PRRC2C: variants seen among roughly 807,000 people sequenced by gnomAD.
The protein encoded by PRRC2C is proline rich coiled-coil 2C.
In PRRC2C, 72 loss-of-function variants were observed where a neutral mutation model predicts 317.2. That is an observed-to-expected ratio of 0.23 (90% CI 0.19 to 0.28). The LOEUF (loss-of-function observed/expected upper bound fraction) is 0.28, where lower values mean the gene tolerates loss of function less well. Ranked by LOEUF, PRRC2C falls within the 10% of genes least tolerant of loss-of-function variation. The pLI is 1.00. For missense variants in PRRC2C, 3,074 were observed against 3,459.7 expected (o/e 0.89, Z 2.80); for synonymous variants, 1,296 against 1,205.9 (o/e 1.07, Z -1.55).
Position 171,579,962 on chromosome 1 carries a change from T to C in PRRC2C, c.7407T>C (p.Tyr2469=), listed in dbSNP as rs1193760201. ...TGTTCAGCTCCTCACTTCAACCATA[T>C]AGGTAAATGCTTTAAAAGTTATGTT... ...QELFSSSLQP[Y]RSQPAFMQSS... is the part of the protein sequence containing the mutation. Residue 2469 remains tyrosine (Y), a splice_region_variant and synonymous_variant, in exon 28 of 35, where the codon TAT becomes TAC. Coordinates refer to ENST00000647382, the MANE Select transcript of PRRC2C (RefSeq NM_001387844.1). 1 of 1,535,138 alleles carries C rather than the reference T, an allele frequency of 6.5e-7. No individual in the cohort carries two copies. Among genetic ancestry groups the C allele is most frequent in the Non-Finnish European group, 8.7e-7 (1 of 1,146,700 alleles).
At chr1:171,486,107 CTTTTTTT>C (rs34040896) in intron 1 of PRRC2C, among the ~76,000 whole-genome samples, 2 of 95,582 alleles carry the variant, frequency 2.1e-5, no homozygotes, top group Admixed American at 1.1e-4. Flanking sequence ...GACGTGAAGT[CTTTTTTT>C]TTTTTTTTTT....
intron 1 of PRRC2C, among the ~76,000 whole-genome samples, chr1:171,490,131 C>A (rs1666851560): frequency 6.6e-6 from 1 of 152,112 alleles, no homozygotes; most frequent in Non-Finnish European, 1.5e-5. Flanking sequence ...TGTTGTCAGA[C>A]TGGTCTCGAA....
intron 32 of PRRC2C, among the ~76,000 whole-genome samples, chr1:171,587,964 C>T (rs1190491604): frequency 6.6e-6 from 1 of 151,912 alleles, no homozygotes; most frequent in East Asian, 1.9e-4. Context: ...TGTTACAGAG[C>T]AAACCTTTTT....
At position 171,541,294 on chromosome 1, in the gene PRRC2C, T is replaced by C; in HGVS notation, c.3828T>C (p.Ser1276=). 1 of 1,613,788 alleles carries C rather than the reference T, an allele frequency of 6.2e-7. No individual in the cohort carries two copies. The highest frequency in any genetic ancestry group is 1.1e-5 in the South Asian group (1 of 91,062). The change falls in exon 16 of 35, where the codon AGT becomes AGC. Residue 1276 remains serine (S), a synonymous_variant. Coordinates refer to ENST00000647382, the MANE Select transcript of PRRC2C (RefSeq NM_001387844.1). This position sits in a 1 kb window ranked among gnomAD's most constrained non-coding sequence, Gnocchi z 4.1. The part of the protein sequence containing the change: ...ETDTDSEIHE[S]ASDKDSLSKG... ...ACACAGACAGTGAAATTCATGAAAG[T>C]GCAAGTGACAAGGACAGTTTAAGTA...
In PRRC2C at chr1:171,545,086, T is replaced by C. The variant is rs192632616; in HGVS notation, c.4764-393T>C. On this transcript the variant is annotated intron_variant, in intron 16 of 34. Coordinates refer to ENST00000647382, the MANE Select transcript of PRRC2C (RefSeq NM_001387844.1). ...GTAAATATAGAATGCTTTTTAAAAA[T>C]TTTTGTTTTCATATGCTGCCCACTT... 1.5e-3 allele frequency among the ~76,000 whole-genome samples: 234 copies of C among 152,330 alleles called. 2 individuals carry two copies. The highest frequency in any genetic ancestry group is 8.5e-3 in the South Asian group (41 of 4,826).
chr1:171,519,718 A>C (rs959270919), intron 6 of PRRC2C, among the ~76,000 whole-genome samples: 1 of 152,212 alleles, frequency 6.6e-6, no homozygotes, highest in Admixed American at 6.5e-5. Flanking sequence ...GGAAACAAAA[A>C]TCTAGGTCAT....
chr1:171,535,074 T>C (rs183587368), intron 12 of PRRC2C, among the ~76,000 whole-genome samples: 101 of 152,118 alleles, frequency 6.6e-4, no homozygotes, highest in African/African-American at 2.4e-3. Context: ...TAGATTTTAA[T>C]GAACTACCAG....
chr1:171,515,977 A>G, intron 5 of PRRC2C, 118 bp downstream of exon 5: 2 of 1,075,492 alleles, frequency 1.9e-6, no homozygotes, highest in Admixed American at 3.0e-5. Flanking sequence ...CAGACTTTGT[A>G]CTATAGTCAC....
chr1:171,584,541 G>T lies in PRRC2C; in HGVS notation c.7749+15G>T. 6.5e-7 allele frequency: 1 copy of T among 1,530,890 alleles called. No individual in the cohort carries two copies. The highest frequency in any genetic ancestry group is 8.7e-7 in the Non-Finnish European group (1 of 1,145,580). The allele number at this position is 1,530,890 out of a possible 1,614,324, so 94.8% of individuals were successfully genotyped here. A position where few individuals can be genotyped will look rare whatever the true frequency, so the allele number is the denominator to read the frequency against. On this transcript the variant is annotated intron_variant, in intron 30 of 34. Transcript: ENST00000647382. ...CTCTCCAGCAGGTAAACTATGGCAT[G>T]GTAAATTTCCTCAATTTTCTTTATT... is the stretch of plus-strand genomic sequence containing the variant.
At chr1:171,587,509 TTGAAGCCTAAC>T in intron 31 of PRRC2C, 128 bp from the exon 32 acceptor site, 1 of 645,630 alleles carries the variant, frequency 1.5e-6, no homozygotes, top group Non-Finnish European at 2.6e-6. Context: ...TCCATAATAC[TTGAAGCCTAAC>T]TATAGGAGTT....
At chr1:171,514,466 C>A in intron 3 of PRRC2C, 70 bp from the exon 4 acceptor site, 1 of 1,233,206 alleles carries the variant, frequency 8.1e-7, no homozygotes, top group Non-Finnish European at 1.1e-6. Context: ...CACAGGTTTA[C>A]CTTAAATATA....
chr1:171,577,918 C>T (rs1647469685), intron 26 of PRRC2C, among the ~76,000 whole-genome samples: 1 of 148,826 alleles, frequency 6.7e-6, no homozygotes, highest in South Asian at 2.1e-4. Context: ...GCTGGGGCCA[C>T]AGGAGCACAC....
In PRRC2C at chr1:171,550,085, G is replaced by A; in HGVS notation, c.4973-1G>A. ...TCTTAAATCCTTTCCCACACCCACAGGTGTTGTTATAATTGATGATCATCC... is the reference window on the plus strand; with the variant it reads ...TCTTAAATCCTTTCCCACACCCACAAGTGTTGTTATAATTGATGATCATCC... On this transcript the variant is annotated splice_acceptor_variant, in intron 17 of 34. Coordinates refer to ENST00000647382, the MANE Select transcript of PRRC2C (RefSeq NM_001387844.1). LOFTEE classifies it high-confidence loss of function. 6.3e-7 allele frequency: 1 copy of A among 1,590,702 alleles called. No individual in the cohort carries two copies. Among genetic ancestry groups the A allele is most frequent in the Non-Finnish European group, 8.5e-7 (1 of 1,169,720 alleles).
rs1443549018 is a variant in PRRC2C, at chr1:171,536,110, A to G, written c.2125A>G (p.Ser709Gly). ...GACTGTTCCTTCACAACCGTCCAGTAGTACTGTCCCTCCTCCACCACACAG... is the reference window on the plus strand; with the variant it reads ...GACTGTTCCTTCACAACCGTCCAGTGGTACTGTCCCTCCTCCACCACACAG... ...PQTVPSQPSS[S>G]TVPPPPHRPL... The change falls in exon 14 of 35, where the codon AGT becomes GGT. Residue 709 changes from serine to glycine, a missense_variant. Physicochemically the swap from Ser to Gly is moderately conservative, Grantham distance 56. Around this residue, in one of 11 missense-constraint regions of PRRC2C, gnomAD observed 1,320 missense variants for 1,395.7 expected, o/e 0.95. Coordinates refer to ENST00000647382, the MANE Select transcript of PRRC2C (RefSeq NM_001387844.1). 1 of 1,568,600 alleles carries G rather than the reference A, an allele frequency of 6.4e-7. No individual in the cohort carries two copies. Among genetic ancestry groups the G allele is most frequent in the South Asian group, 1.2e-5 (1 of 85,610 alleles).
Position 171,488,363 on chromosome 1 carries a change from T to G in PRRC2C, c.-58+2628T>G, listed in dbSNP as rs148066724. 2.4e-3 allele frequency among the ~76,000 whole-genome samples: 371 copies of G among 152,364 alleles called. 3 individuals carry two copies. The highest frequency in any genetic ancestry group is 6.8e-3 in the Middle Eastern group (2 of 294). On this transcript the variant is annotated intron_variant, in intron 1 of 34. Coordinates refer to ENST00000647382, the MANE Select transcript of PRRC2C (RefSeq NM_001387844.1). ...AAAGCTTATCTCAGTCTATGTTAATTGTTGCTTACAAGTCTGAGAGTTACT... is the reference window on the plus strand; with the variant it reads ...AAAGCTTATCTCAGTCTATGTTAATGGTTGCTTACAAGTCTGAGAGTTACT...
chr1:171,579,310 A>C, intron 26 of PRRC2C, 44 bp from the exon 27 acceptor site: 1 of 1,542,422 alleles, frequency 6.5e-7, no homozygotes, highest in Non-Finnish European at 8.8e-7. Flanking sequence ...AAAATTCTGA[A>C]ATTAGGACAC....
intron 24 of PRRC2C, among the ~76,000 whole-genome samples, chr1:171,573,507 A>G (rs373940644): frequency 6.6e-6 from 1 of 152,122 alleles, no homozygotes; most frequent in East Asian, 1.9e-4. Flanking sequence ...ATTTGAAATC[A>G]ACCAAGTGAT....
intron 11 of PRRC2C, among the ~76,000 whole-genome samples, chr1:171,530,542 A>G (rs1675632810): frequency 6.6e-6 from 1 of 151,938 alleles, no homozygotes; most frequent in East Asian, 1.9e-4. Flanking sequence ...CACCGTGTCT[A>G]GCCTGGGCCG....
chr1:171,488,791 CTT>C (rs1666585589), intron 1 of PRRC2C, among the ~76,000 whole-genome samples: 1 of 152,148 alleles, frequency 6.6e-6, no homozygotes, highest in Non-Finnish European at 1.5e-5. Flanking sequence ...TAACTAGACT[CTT>C]AGACTGTTAA....
Sources: allele counts gnomAD v4.1 joint callset (sites outside exome capture counted in the v4.1 genomes callset), GRCh38; gene constraint gnomAD v4.1.1; regional missense constraint gnomAD v4.1.1; non-coding constraint Gnocchi (gnomAD v3.1); transcripts MANE v1.5; gene names NCBI Gene and HGNC (gene_info 2026-07-23, HGNC 2026-07-21).